The following CRACR2A variants were observed in gnomAD, a reference collection of about 807,000 sequenced individuals.
CRACR2A encodes the protein calcium release activated channel regulator 2A, also known as EF-hand calcium-binding domain-containing protein 4B.
A neutral mutation model predicts 90.5 loss-of-function variants in CRACR2A; 79 were observed. The ratio of observed to expected loss-of-function variants is 0.87; its 90% CI spans 0.73 to 1.05. The LOEUF (loss-of-function observed/expected upper bound fraction) is 1.05, where lower values mean the gene tolerates loss of function less well. Among genes scored for constraint, CRACR2A ranks in the 50% least tolerant of loss-of-function variants. The pLI is 0.00. For synonymous variants in CRACR2A, 338 were observed against 356.7 expected (o/e 0.95, Z 0.59); for missense variants, 823 against 897.2 (o/e 0.92, Z 1.06).
intron 4 of CRACR2A, among the ~76,000 whole-genome samples, chr12:3,696,421 G>A (rs1337139585): frequency 2.0e-5 from 3 of 152,190 alleles, no homozygotes; most frequent in Admixed American, 2.0e-4. Context: ...ACAGACAGCA[G>A]GAACGACTTT....
At chr12:3,666,921 G>C (rs1945161581) in intron 7 of CRACR2A, among the ~76,000 whole-genome samples, 2 of 152,228 alleles carry the variant, frequency 1.3e-5, no homozygotes, top group South Asian at 4.1e-4. Flanking sequence ...GAAAGCGTAG[G>C]CTTGGCCTTG....
chr12:3,689,898 A>T (rs1383967325), intron 4 of CRACR2A, among the ~76,000 whole-genome samples: 1 of 152,034 alleles, frequency 6.6e-6, no homozygotes, highest in Non-Finnish European at 1.5e-5. Context: ...ATGTCCAGGA[A>T]TTTATCAACT....
chr12:3,712,221 C>T (rs1946015036), intron 3 of CRACR2A, among the ~76,000 whole-genome samples: 1 of 123,150 alleles, frequency 8.1e-6, no homozygotes, highest in South Asian at 2.6e-4. Context: ...GGGAAGTTGG[C>T]CATTTTTTTT....
intron 3 of CRACR2A, among the ~76,000 whole-genome samples, chr12:3,705,686 C>T (rs369726511): frequency 5.3e-5 from 8 of 152,332 alleles, no homozygotes; most frequent in East Asian, 1.9e-4. Context: ...AGGTGGGTCT[C>T]TTCAAACTGC....
intron 7 of CRACR2A, among the ~76,000 whole-genome samples, chr12:3,666,364 T>TGTGTGTGTGTGTGTGTGCGCGCGC (rs765943563): frequency 2.0e-5 from 3 of 149,498 alleles, no homozygotes; most frequent in African/African-American, 7.5e-5. Flanking sequence ...TGCGTGCGTG[T>TGTGTGTGTGTGTGTGTGCGCGCGC]GCGCGTGCGC....
At chr12:3,750,579 A>C (rs1946689104) in intron 1 of CRACR2A, among the ~76,000 whole-genome samples, 1 of 152,194 alleles carries the variant, frequency 6.6e-6, no homozygotes, top group Non-Finnish European at 1.5e-5. Context: ...GGAAAATATA[A>C]AATCTGAACT....
intron 2 of CRACR2A, among the ~76,000 whole-genome samples, chr12:3,721,250 G>A (rs369868447): frequency 2.6e-5 from 4 of 151,778 alleles, no homozygotes; most frequent in African/African-American, 9.7e-5. Context: ...AAAAGCAAGT[G>A]AGGCCAGCCA....
At chr12:3,662,078 T>TA (rs1167006160) in intron 7 of CRACR2A, among the ~76,000 whole-genome samples, 1 of 152,178 alleles carries the variant, frequency 6.6e-6, no homozygotes, top group East Asian at 1.9e-4. Context: ...GGAAGATAGA[T>TA]ACAGGGTTTG....
At chr12:3,643,840 AATATATATTATATATTTATATT>A (rs1944625468) in intron 12 of CRACR2A, among the ~76,000 whole-genome samples, 1 of 71,888 alleles carries the variant, frequency 1.4e-5, no homozygotes, top group Non-Finnish European at 2.5e-5. Flanking sequence ...AAATATATAT[AATATATATTATATATTTATATT>A]ATATATATTA....
At chr12:3,690,181 T>C (rs1392082149) in intron 4 of CRACR2A, among the ~76,000 whole-genome samples, 1 of 152,318 alleles carries the variant, frequency 6.6e-6, no homozygotes, top group East Asian at 1.9e-4. Flanking sequence ...TGATTATGGT[T>C]ATTTCTTGTC....
intron 13 of CRACR2A, 134 bp downstream of exon 13, chr12:3,641,598 T>G: frequency 1.4e-6 from 1 of 693,354 alleles, no homozygotes; most frequent in East Asian, 2.8e-5. Flanking sequence ...TGTTCCAAGA[T>G]TTGAGGGGAG....
chr12:3,618,273 T>C (rs1298941824), intron 18 of CRACR2A, among the ~76,000 whole-genome samples: 6 of 152,054 alleles, frequency 3.9e-5, no homozygotes, highest in Admixed American at 2.0e-4. Flanking sequence ...TACATGTATA[T>C]ACCATATATT....
At chr12:3,659,468 G>T in intron 8 of CRACR2A, 96 bp downstream of exon 8, 2 of 975,798 alleles carry the variant, frequency 2.0e-6, no homozygotes, top group Non-Finnish European at 1.6e-6. Context: ...GGAATCAATA[G>T]TGCATGGATG....
rs1345758964 is a variant in CRACR2A, at chr12:3,633,824, C to A, written c.1603-88G>T. 2.6e-6 allele frequency: 4 copies of A among 1,522,038 alleles called. No homozygotes were observed. Among genetic ancestry groups the A allele is most frequent in the Non-Finnish European group, 2.6e-6 (3 of 1,132,256 alleles). The allele number at this position is 1,522,038 out of a possible 1,614,324, so 94.3% of individuals were successfully genotyped here. A position where few individuals can be genotyped will look rare whatever the true frequency, so the allele number is the denominator to read the frequency against. On this transcript the variant is annotated intron_variant, in intron 14 of 19. Transcript: ENST00000440314. The surrounding 1 kb of genome is among the most constrained non-coding windows in gnomAD (Gnocchi z 4.5). ...ACCAGAGGCCCTTTACCCATCCCTA[C>A]AGTGGCCCTCAGGAGGTGCAGACCG...
chr12:3,725,912 T>TC (rs1946255592), intron 2 of CRACR2A: 2 of 148,504 alleles, frequency 1.3e-5, no homozygotes, highest in African/African-American at 4.9e-5. Flanking sequence ...TCCTCCAGGA[T>TC]TTTTTTTTTT....
At chr12:3,720,203 G>A (rs1241392323) in intron 2 of CRACR2A, among the ~76,000 whole-genome samples, 3 of 95,558 alleles carry the variant, frequency 3.1e-5, no homozygotes, top group Non-Finnish European at 6.0e-5. Flanking sequence ...GGGAGGGAGG[G>A]AGGGAGAGAG....
chr12:3,677,630 T>C (rs372673546), intron 6 of CRACR2A, among the ~76,000 whole-genome samples: 6 of 152,154 alleles, frequency 3.9e-5, no homozygotes, highest in African/African-American at 1.2e-4. Flanking sequence ...CCAGGAATGG[T>C]CTCTGTGCTC....
intron 15 of CRACR2A, among the ~76,000 whole-genome samples, chr12:3,630,568 G>A (rs939746508): frequency 1.3e-5 from 2 of 152,330 alleles, no homozygotes; most frequent in East Asian, 1.9e-4. Context: ...GGGAGGTTGT[G>A]AACCAAAGTG....
At chr12:3,621,894 A>G (rs1435718119) in intron 17 of CRACR2A, among the ~76,000 whole-genome samples, 2 of 151,980 alleles carry the variant, frequency 1.3e-5, no homozygotes, top group Non-Finnish European at 2.9e-5. Context: ...TGGCAAAAAT[A>G]AATGAGAATA....
Sources: gnomAD v4.1 joint callset for allele counts (sites outside exome capture counted in the v4.1 genomes callset) on GRCh38, gnomAD v4.1.1 for gene constraint, Gnocchi (gnomAD v3.1) non-coding constraint, MANE v1.5 for transcripts, NCBI Gene and HGNC (gene_info 2026-07-23, HGNC 2026-07-21) for gene names.